The following DENND1A variants were observed in gnomAD, a reference collection of about 807,000 sequenced individuals.
The protein encoded by DENND1A is DENN domain-containing protein 1A.
In DENND1A, 51 loss-of-function variants were observed where a neutral mutation model predicts 113.7. That is an observed-to-expected ratio of 0.45 (90% confidence interval 0.36 to 0.57). The LOEUF (loss-of-function observed/expected upper bound fraction) is 0.57, where lower values mean the gene tolerates loss of function less well. DENND1A is among the 20% of genes least tolerant of loss of function. The pLI is 0.00. For synonymous variants in DENND1A, 565 were observed against 570.8 expected (o/e 0.99, Z 0.14); for missense variants, 1,258 against 1,395.9 (o/e 0.90, Z 1.57).
At chr9:123,738,371 T>TA (rs1354175609) in intron 5 of DENND1A, among the ~76,000 whole-genome samples, 1 of 149,758 alleles carries the variant, frequency 6.7e-6, no homozygotes, top group African/African-American at 2.5e-5. Flanking sequence ...CACAAGAGAA[T>TA]AAAAAAATTT....
At chr9:123,449,406 G>A (rs7862887) in intron 18 of DENND1A, among the ~76,000 whole-genome samples, 134,589 of 152,050 alleles carry the variant, frequency 0.89, 59,828 homozygotes, top group East Asian at 0.94. Flanking sequence ...GTGGTAGCAC[G>A]TGCCTGTAGT....
At chr9:123,806,177 C>T (rs1184827483) in intron 2 of DENND1A, among the ~76,000 whole-genome samples, 1 of 152,142 alleles carries the variant, frequency 6.6e-6, no homozygotes, top group African/African-American at 2.4e-5. Context: ...TGGTCTTGAA[C>T]TCCTGACCTC....
intron 2 of DENND1A, among the ~76,000 whole-genome samples, chr9:123,869,308 T>G (rs2133391717): frequency 6.6e-6 from 1 of 152,358 alleles, no homozygotes; most frequent in Admixed American, 6.5e-5. Context: ...ATCTCTGCGC[T>G]CATGGAGCCC....
At chr9:123,663,218 T>C (rs1564907702) in intron 8 of DENND1A, among the ~76,000 whole-genome samples, 1 of 152,092 alleles carries the variant, frequency 6.6e-6, no homozygotes, top group Non-Finnish European at 1.5e-5. Flanking sequence ...AAAAAATGAG[T>C]TGCTAAACAA....
intron 5 of DENND1A, among the ~76,000 whole-genome samples, chr9:123,719,040 T>A (rs1285636993): frequency 2.0e-5 from 3 of 152,182 alleles, no homozygotes; most frequent in Admixed American, 6.5e-5. Context: ...TGGTTCTCAT[T>A]CTCTCTCTTG....
In DENND1A at chr9:123,383,754, G is replaced by A; in HGVS notation, c.1920C>T (p.Asp640=). Residue 640 remains aspartate, a synonymous_variant, in exon 23 of 24, where the codon GAC becomes GAT. Coordinates refer to ENST00000394215, the MANE Select transcript of DENND1A (RefSeq NM_001352964.2). ...DLLEDVFSNL[D]MEAALQPLGQ... is the part of the protein sequence containing the mutation. ...CCAGTGGCTGCAGTGCGGCCTCCAT[G>A]TCCAGGTTGCTGAAGACGTCTTCCA... The A allele has an allele frequency of 6.2e-7, 1 of 1,614,146 alleles. No individual in the cohort carries two copies. The highest frequency in any genetic ancestry group is 1.1e-5 in the South Asian group (1 of 91,092).
chr9:123,682,932 A>T (rs1589652357), intron 5 of DENND1A, among the ~76,000 whole-genome samples: 2 of 152,290 alleles, frequency 1.3e-5, no homozygotes, highest in Non-Finnish European at 2.9e-5. Context: ...ATGGGCAGGA[A>T]AACAGAAGCT....
intron 21 of DENND1A, chr9:123,401,398 G>T: frequency 1.2e-6 from 1 of 834,784 alleles, no homozygotes; most frequent in Non-Finnish European, 1.5e-6. Flanking sequence ...GGTTGCACTA[G>T]AAATACCACT....
intron 1 of DENND1A, among the ~76,000 whole-genome samples, chr9:123,881,678 G>A (rs950735099): frequency 2.6e-5 from 4 of 152,096 alleles, no homozygotes; most frequent in African/African-American, 9.7e-5. Context: ...TTTAAAACAC[G>A]GGGACACCAA....
intron 2 of DENND1A, among the ~76,000 whole-genome samples, chr9:123,866,006 A>G (rs1845757537): frequency 6.6e-6 from 1 of 152,210 alleles, no homozygotes; most frequent in African/African-American, 2.4e-5. Flanking sequence ...GCCATGATGA[A>G]AATATTTTTC....
At chr9:123,766,302 C>T (rs1828804297) in intron 4 of DENND1A, among the ~76,000 whole-genome samples, 1 of 152,162 alleles carries the variant, frequency 6.6e-6, no homozygotes, top group Admixed American at 6.5e-5. Context: ...TTGGGTCGAT[C>T]CTGTTTAATA....
At chr9:123,779,862 T>C (rs989162680) in intron 3 of DENND1A, among the ~76,000 whole-genome samples, 1 of 143,538 alleles carries the variant, frequency 7.0e-6, no homozygotes, top group Non-Finnish European at 1.5e-5. Flanking sequence ...CACATTCCAC[T>C]TGCATGAGAC....
At chr9:123,618,191 C>A (rs1348663007) in intron 10 of DENND1A, among the ~76,000 whole-genome samples, 1 of 152,246 alleles carries the variant, frequency 6.6e-6, no homozygotes, top group Non-Finnish European at 1.5e-5. Context: ...GAAGCCCTGC[C>A]ATGAGGTCAC....
intron 2 of DENND1A, among the ~76,000 whole-genome samples, chr9:123,815,779 T>C (rs1010799599): frequency 6.6e-6 from 1 of 152,188 alleles, no homozygotes; most frequent in African/African-American, 2.4e-5. Context: ...TATTCTCCTT[T>C]ATTGTATAAC....
chr9:123,435,330 A>G (rs2046439006), intron 19 of DENND1A, among the ~76,000 whole-genome samples: 1 of 152,144 alleles, frequency 6.6e-6, no homozygotes. Flanking sequence ...GACCTGGCTG[A>G]TGACCCTGAT....
chr9:123,668,226 A>C (rs1012839090), intron 7 of DENND1A, among the ~76,000 whole-genome samples: 8 of 152,146 alleles, frequency 5.3e-5, no homozygotes, highest in African/African-American at 1.9e-4. Flanking sequence ...TGGACCCCCA[A>C]GTGACATTTC....
At chr9:123,646,742 G>A (rs1294934410) in intron 9 of DENND1A, among the ~76,000 whole-genome samples, 2 of 152,138 alleles carry the variant, frequency 1.3e-5, no homozygotes, top group Non-Finnish European at 2.9e-5. Context: ...CATGAGGACA[G>A]GGATTGTTGC....
intron 23 of DENND1A, 144 bp from the exon 24 acceptor site, chr9:123,382,769 G>C: frequency 1.2e-6 from 1 of 854,278 alleles, no homozygotes; most frequent in South Asian, 1.7e-5. Context: ...AACAGCTGAG[G>C]GCTCCCCCAG....
chr9:123,581,624 C>CAA (rs113405552), intron 12 of DENND1A, among the ~76,000 whole-genome samples: 3 of 136,134 alleles, frequency 2.2e-5, no homozygotes, highest in African/African-American at 8.1e-5. Context: ...GACACTGTTT[C>CAA]AAAAAAAAAA....
Sources: gnomAD v4.1 joint callset for allele counts (sites outside exome capture counted in the v4.1 genomes callset) on GRCh38, gnomAD v4.1.1 for gene constraint, MANE v1.5 for transcripts, NCBI Gene and HGNC (gene_info 2026-07-23, HGNC 2026-07-21) for gene names.